Variants in SMIM35 observed in about 807,000 individuals in gnomAD.
SMIM35 encodes TMPRSS4 antisense RNA 1 (non-protein coding).
chr11:118,045,880 C>T lies in SMIM35; in HGVS notation c.8-30071G>A, dbSNP rs542056996. 1.4e-4 allele frequency among the ~76,000 whole-genome samples: 22 copies of T among 152,282 alleles called. 2 individuals carry two copies. The South Asian group carries it at 4.4e-3, about 30-fold the overall frequency. Reference sequence around the variant, plus strand: ...GACGGAAAAAGACTTGGAGCCAGGCCATCTGGAAGCTAAAATATCATTACT... The same window carrying T: ...GACGGAAAAAGACTTGGAGCCAGGCTATCTGGAAGCTAAAATATCATTACT... On this transcript the variant is annotated intron_variant, in intron 1 of 4. Transcript: ENST00000689828.
At chr11:118,049,232 G>A (rs982660023) in intron 1 of SMIM35, among the ~76,000 whole-genome samples, 2 of 152,018 alleles carry the variant, frequency 1.3e-5, no homozygotes, top group African/African-American at 4.8e-5. Context: ...AGAGTGGCCG[G>A]GAGACTGGTC....
At chr11:118,027,529 T>C (rs1307242897) in intron 1 of SMIM35, among the ~76,000 whole-genome samples, 1 of 152,234 alleles carries the variant, frequency 6.6e-6, no homozygotes. Flanking sequence ...TCTTTATTGC[T>C]TAAAATTACT....
intron 1 of SMIM35, among the ~76,000 whole-genome samples, chr11:118,078,374 G>T (rs566433033): frequency 6.6e-6 from 1 of 152,320 alleles, no homozygotes; most frequent in Non-Finnish European, 1.5e-5. Flanking sequence ...GTCCAAGGGG[G>T]AAGGGTGTGA....
intron 1 of SMIM35, among the ~76,000 whole-genome samples, chr11:118,044,029 A>G (rs1944050430): frequency 6.6e-6 from 1 of 152,126 alleles, no homozygotes; most frequent in African/African-American, 2.4e-5. Context: ...ATTATATCTA[A>G]ACAAAGCTGT....
rs550293337 is a variant in SMIM35, at chr11:118,010,382, G to T, written c.*33+3366C>A. On this transcript the variant is annotated intron_variant, in intron 4 of 4. Coordinates refer to ENST00000689828, the MANE Select transcript of SMIM35 (RefSeq NM_001394165.1). ...TAGAGGAGAGAAAAGCTCCCTCTTC[G>T]CCTCCCAGCCTCATCATGATTTTGA... 4.3e-4 allele frequency among the ~76,000 whole-genome samples: 66 copies of T among 152,128 alleles called. 2 individuals are homozygous for T. In the South Asian group the frequency reaches 0.013, roughly 30 times the overall value.
At chr11:118,070,037 C>G (rs561286376) in intron 1 of SMIM35, among the ~76,000 whole-genome samples, 1 of 152,310 alleles carries the variant, frequency 6.6e-6, no homozygotes, top group Admixed American at 6.5e-5. Flanking sequence ...CAAGGCAATA[C>G]AGCTGGGAGG....
chr11:118,021,054 T>TTTTTTTTTGTTTTTTG (rs1468993691), intron 1 of SMIM35, among the ~76,000 whole-genome samples: 9 of 143,092 alleles, frequency 6.3e-5, no homozygotes, highest in South Asian at 4.2e-4. Context: ...AAGGTTTTTT[T>TTTTTTTTTGTTTTTTG]TTTTACTATT....
intron 1 of SMIM35, among the ~76,000 whole-genome samples, chr11:118,036,466 A>G (rs1240761029): frequency 6.6e-6 from 1 of 152,220 alleles, no homozygotes; most frequent in African/African-American, 2.4e-5. Context: ...CACATCTTTA[A>G]TGGACTATTT....
intron 1 of SMIM35, among the ~76,000 whole-genome samples, chr11:118,036,735 C>T (rs1467198439): frequency 6.6e-6 from 1 of 152,176 alleles, no homozygotes; most frequent in Admixed American, 6.5e-5. Flanking sequence ...TGGTTCTCTG[C>T]GATGGTGGTG....
At chr11:118,060,742 T>A (rs1473112266) in intron 1 of SMIM35, among the ~76,000 whole-genome samples, 1 of 152,162 alleles carries the variant, frequency 6.6e-6, no homozygotes, top group Non-Finnish European at 1.5e-5. Flanking sequence ...TCTAATTCCC[T>A]GCCAGCTCCA....
intron 4 of SMIM35, among the ~76,000 whole-genome samples, chr11:118,008,303 T>C (rs1246286361): frequency 6.6e-6 from 1 of 152,238 alleles, no homozygotes; most frequent in Non-Finnish European, 1.5e-5. Context: ...TCACGGCTTC[T>C]AGATGGTTTT....
rs180750247 is a variant in SMIM35, at chr11:118,081,343, G to A, written c.7+5408C>T. Reference sequence around the variant, plus strand: ...TGGTGATAGGGAAGGGGAAGAGTGGGGCAGAGCCAATGTGGCAATCCCCCT... The same window carrying A: ...TGGTGATAGGGAAGGGGAAGAGTGGAGCAGAGCCAATGTGGCAATCCCCCT... On this transcript the variant is annotated intron_variant, in intron 1 of 4. Transcript: ENST00000689828. Among the ~76,000 whole-genome samples, 4 of 152,272 alleles carry A rather than the reference G, an allele frequency of 2.6e-5. No individual in the cohort carries two copies. The East Asian group carries it at 5.8e-4, about 22-fold the overall frequency.
chr11:118,058,491 G>A (rs772303241), intron 1 of SMIM35, among the ~76,000 whole-genome samples: 5 of 152,202 alleles, frequency 3.3e-5, no homozygotes, highest in Non-Finnish European at 7.3e-5. Context: ...GGCACAAGAA[G>A]AAATGACGGG....
chr11:118,031,143 T>A (rs1047926402), intron 1 of SMIM35, among the ~76,000 whole-genome samples: 2 of 152,116 alleles, frequency 1.3e-5, no homozygotes, highest in African/African-American at 4.8e-5. Flanking sequence ...TAGAATAAAT[T>A]TCGTGGTGTT....
At chr11:118,060,730 C>T (rs1209857414) in intron 1 of SMIM35, among the ~76,000 whole-genome samples, 1 of 152,172 alleles carries the variant, frequency 6.6e-6, no homozygotes, top group Non-Finnish European at 1.5e-5. Flanking sequence ...GCCACCCCTT[C>T]CTCTAATTCC....
intron 1 of SMIM35, among the ~76,000 whole-genome samples, chr11:118,045,742 T>C (rs938828122): frequency 2.6e-5 from 4 of 152,240 alleles, no homozygotes; most frequent in African/African-American, 9.6e-5. Context: ...CTCTCTCTGA[T>C]AATGTACAGC....
intron 1 of SMIM35, among the ~76,000 whole-genome samples, chr11:118,070,734 CTG>C (rs1944558175): frequency 2.0e-5 from 2 of 102,196 alleles, no homozygotes; most frequent in South Asian, 2.8e-4. Context: ...AGGATGTTCA[CTG>C]AGACTGCCGG....
chr11:118,019,579 T>C (rs1466596179), intron 1 of SMIM35, among the ~76,000 whole-genome samples: 1 of 152,256 alleles, frequency 6.6e-6, no homozygotes, highest in Non-Finnish European at 1.5e-5. Context: ...AGTTTGCCTA[T>C]AGTGTCTTTT....
chr11:118,063,477 G>A (rs1944423474), intron 1 of SMIM35, among the ~76,000 whole-genome samples: 1 of 152,086 alleles, frequency 6.6e-6, no homozygotes, highest in Admixed American at 6.5e-5. Flanking sequence ...AAATATATTT[G>A]GTCCTCAGCC....
Sources: gnomAD v4.1 joint callset for allele counts (sites outside exome capture counted in the v4.1 genomes callset) on GRCh38, gnomAD v4.1.1 for gene constraint, MANE v1.5 for transcripts, NCBI Gene and HGNC (gene_info 2026-07-23, HGNC 2026-07-21) for gene names.